Variants in MDGA2 observed in about 807,000 individuals in gnomAD.
MDGA2 encodes the protein MAM domain-containing glycosylphosphatidylinositol anchor protein 2.
In MDGA2, 40 loss-of-function variants were observed where a neutral mutation model predicts 117.8. The observed-to-expected ratio is 0.34, with a 90% CI of 0.26 to 0.44. MDGA2 has a LOEUF of 0.44. MDGA2 is among the 20% of genes least tolerant of loss of function. The pLI, the probability that MDGA2 is intolerant of heterozygous loss-of-function variation, is 1.00. For synonymous variants in MDGA2, 452 were observed against 439.0 expected, an observed-to-expected ratio of 1.03 and a Z score of -0.37; for missense variants, 1,123 against 1,250.6, an observed-to-expected ratio of 0.90 and a Z score of 1.54.
chr14:47,419,579 C>T (rs1479278283), intron 1 of MDGA2, among the ~76,000 whole-genome samples: 1 of 151,984 alleles, frequency 6.6e-6, no homozygotes. Flanking sequence ...TACTAATGGC[C>T]TTTCCTTATA....
intron 1 of MDGA2, among the ~76,000 whole-genome samples, chr14:47,391,359 A>G (rs912297839): frequency 6.6e-6 from 1 of 151,390 alleles, no homozygotes; most frequent in Non-Finnish European, 1.5e-5. Context: ...TTGTTTTGCC[A>G]TAGTTTTTAG....
intron 1 of MDGA2, among the ~76,000 whole-genome samples, chr14:47,401,524 C>T (rs1892149302): frequency 1.3e-5 from 2 of 152,184 alleles, no homozygotes; most frequent in African/African-American, 4.8e-5. Flanking sequence ...AAATTTTTAC[C>T]AACAAATTCT....
At chr14:47,147,342 T>C (rs992335721) in intron 3 of MDGA2, among the ~76,000 whole-genome samples, 8 of 152,184 alleles carry the variant, frequency 5.3e-5, no homozygotes, top group Middle Eastern at 3.4e-3. Flanking sequence ...TTCTGGGAAG[T>C]ATCTTACAGA....
intron 1 of MDGA2, among the ~76,000 whole-genome samples, chr14:47,327,694 T>C (rs1026768478): frequency 2.6e-5 from 4 of 152,106 alleles, no homozygotes; most frequent in Admixed American, 2.0e-4. Flanking sequence ...CATACACACA[T>C]GTTATGCATA....
At chr14:47,144,623 A>G (rs1417912771) in intron 3 of MDGA2, among the ~76,000 whole-genome samples, 1 of 151,990 alleles carries the variant, frequency 6.6e-6, no homozygotes, top group Non-Finnish European at 1.5e-5. Context: ...AAAAAAAATT[A>G]ATATCAGGCT....
At chr14:47,273,655 A>C (rs1178559744) in intron 2 of MDGA2, among the ~76,000 whole-genome samples, 1 of 152,130 alleles carries the variant, frequency 6.6e-6, no homozygotes, top group Non-Finnish European at 1.5e-5. Context: ...CCTTTGCCTT[A>C]TTAAAATTTA....
chr14:46,964,871 G>C (rs1318263492), intron 8 of MDGA2, among the ~76,000 whole-genome samples: 1 of 147,960 alleles, frequency 6.8e-6, no homozygotes, highest in East Asian at 2.0e-4. Context: ...GAGGTTGTCA[G>C]TGTAATTCAT....
At chr14:47,483,783 C>G (rs1159628192) in intron 1 of MDGA2, among the ~76,000 whole-genome samples, 1 of 152,166 alleles carries the variant, frequency 6.6e-6, no homozygotes. Flanking sequence ...TGGTTGGCAT[C>G]TATTTTCATC....
At chr14:47,145,257 C>G (rs1198843824) in intron 3 of MDGA2, among the ~76,000 whole-genome samples, 1 of 152,076 alleles carries the variant, frequency 6.6e-6, no homozygotes, top group Non-Finnish European at 1.5e-5. Flanking sequence ...TTCATAAATA[C>G]CTTGGGCTTT....
intron 1 of MDGA2, among the ~76,000 whole-genome samples, chr14:47,522,480 T>C (rs1318099949): frequency 1.3e-5 from 2 of 152,020 alleles, no homozygotes; most frequent in Non-Finnish European, 2.9e-5. Context: ...ATACATGCAG[T>C]TCTGAGTAGT....
intron 1 of MDGA2, among the ~76,000 whole-genome samples, chr14:47,414,210 A>G (rs1892430038): frequency 6.6e-6 from 1 of 152,174 alleles, no homozygotes; most frequent in South Asian, 2.1e-4. Flanking sequence ...TTTTATTTCC[A>G]TAATGTCCAT....
intron 10 of MDGA2, among the ~76,000 whole-genome samples, chr14:46,913,909 G>C (rs1376524402): frequency 1.3e-5 from 2 of 152,018 alleles, no homozygotes; most frequent in Non-Finnish European, 2.9e-5. Context: ...CTGAATGGGA[G>C]AGCAAATAAG....
At chr14:47,572,752 G>A (rs1896043829) in intron 1 of MDGA2, among the ~76,000 whole-genome samples, 1 of 152,134 alleles carries the variant, frequency 6.6e-6, no homozygotes, top group Non-Finnish European at 1.5e-5. Context: ...CTCAGAAACA[G>A]TAATATATTT....
In MDGA2 at chr14:47,624,494, G is replaced by A. The variant is rs72670800; in HGVS notation, c.280+50023C>T. On this transcript the variant is annotated intron_variant, in intron 1 of 16. Coordinates refer to ENST00000399232, the MANE Select transcript of MDGA2 (RefSeq NM_001113498.3). ...CAAACAAACAAACAAATAAATAAAT[G>A]ATAACTCTTTTCTATTTACCCATGA... 8.1e-3 allele frequency among the ~76,000 whole-genome samples: 1,228 copies of A among 152,080 alleles called. 8 individuals carry two copies. The highest frequency in any genetic ancestry group is 0.013 in the Non-Finnish European group (870 of 67,958).
intron 1 of MDGA2, among the ~76,000 whole-genome samples, chr14:47,538,459 C>T (rs1193223272): frequency 6.6e-6 from 1 of 152,166 alleles, no homozygotes; most frequent in Non-Finnish European, 1.5e-5. Context: ...CAAAGTGTTT[C>T]AGTCTATAAC....
chr14:47,116,867 A>G (rs1214670654), intron 5 of MDGA2, among the ~76,000 whole-genome samples: 1 of 151,990 alleles, frequency 6.6e-6, no homozygotes, highest in Non-Finnish European at 1.5e-5. Context: ...TTTCATAGAT[A>G]TAACACAAAA....
chr14:46,944,808 T>C (rs1217302735), intron 9 of MDGA2, among the ~76,000 whole-genome samples: 4 of 152,030 alleles, frequency 2.6e-5, no homozygotes, highest in African/African-American at 9.7e-5. Context: ...GTTTTTTGTA[T>C]GCTAAAATTT....
At chr14:47,133,531 A>G (rs1368503901) in intron 4 of MDGA2, among the ~76,000 whole-genome samples, 3 of 151,902 alleles carry the variant, frequency 2.0e-5, no homozygotes, top group Admixed American at 6.6e-5. Context: ...ATTAGGTGGC[A>G]TTATCCTTGC....
rs547188273 is a variant in MDGA2 at position 47,109,040 on chromosome 14, G to A, written c.926-11917C>T. On this transcript the variant is annotated intron_variant, in intron 5 of 16. Transcript: ENST00000399232. ...AACAGGTGAGGTCCTGGCAAACTTGGTCTCATTCAAGTTTACAGGAAGCTG... is the reference window on the plus strand; with the variant it reads ...AACAGGTGAGGTCCTGGCAAACTTGATCTCATTCAAGTTTACAGGAAGCTG... 2.2e-4 allele frequency among the ~76,000 whole-genome samples: 33 copies of A among 152,204 alleles called. No individual in the cohort carries two copies. In the South Asian group the frequency reaches 2.7e-3, roughly 12 times the overall value.
Sources: allele counts gnomAD v4.1 joint callset (sites outside exome capture counted in the v4.1 genomes callset), GRCh38; gene constraint gnomAD v4.1.1; transcripts MANE v1.5; gene names NCBI Gene and HGNC (gene_info 2026-07-23, HGNC 2026-07-21).